NECAB1: variants seen among roughly 807,000 people sequenced by gnomAD.
NECAB1 encodes the protein N-terminal EF-hand calcium-binding protein 1.
A neutral mutation model predicts 57.5 loss-of-function variants in NECAB1; 29 were observed. The ratio of observed to expected loss-of-function variants is 0.50; its 90% CI spans 0.38 to 0.69. NECAB1 has a LOEUF of 0.69. NECAB1 is among the 30% of genes least tolerant of loss of function. NECAB1 has a pLI of 0.00. For missense variants in NECAB1, 372 were observed against 413.8 expected (o/e 0.90, Z 0.88); for synonymous variants, 142 against 147.7 (o/e 0.96, Z 0.28).
chr8:90,828,518 G>T (rs1166616469), intron 3 of NECAB1, among the ~76,000 whole-genome samples: 1 of 151,966 alleles, frequency 6.6e-6, no homozygotes, highest in East Asian at 1.9e-4. Context: ...TGCTGTATTA[G>T]AATCCTTGTA....
intron 1 of NECAB1, among the ~76,000 whole-genome samples, chr8:90,796,935 G>C (rs192794901): frequency 2.2e-3 from 331 of 152,332 alleles, no homozygotes; most frequent in African/African-American, 7.5e-3. Context: ...GAAATGAACA[G>C]AAGTCCTGGG....
intron 5 of NECAB1, among the ~76,000 whole-genome samples, chr8:90,881,592 TC>T (rs1388716989): frequency 6.6e-6 from 1 of 152,148 alleles, no homozygotes; most frequent in Non-Finnish European, 1.5e-5. Context: ...CCCCTCTCCT[TC>T]CTCCTCTGGC....
At chr8:90,820,119 C>T (rs1812121623) in intron 2 of NECAB1, among the ~76,000 whole-genome samples, 1 of 151,882 alleles carries the variant, frequency 6.6e-6, no homozygotes, top group African/African-American at 2.4e-5. Flanking sequence ...AGCTTCTGTT[C>T]CAAATAAGCA....
intron 1 of NECAB1, among the ~76,000 whole-genome samples, chr8:90,795,701 ATC>A (rs144166896): frequency 4.3e-4 from 61 of 140,294 alleles, no homozygotes; most frequent in Middle Eastern, 3.6e-3. Context: ...ATCTCACCTC[ATC>A]TCTCTCACAC....
At position 90,917,648 on chromosome 8, in the gene NECAB1, C is replaced by G. The variant is rs1023845353; in HGVS notation, c.494+20C>G. ...AGAAAGGCAATTTACATGTTTTCAT[C>G]TGATGTCTATTTAGTGACTCTATGT... On this transcript the variant is annotated intron_variant, in intron 6 of 12. Coordinates refer to ENST00000417640, the MANE Select transcript of NECAB1 (RefSeq NM_022351.5). The G allele has an allele frequency of 6.3e-7, 1 of 1,598,150 alleles. No homozygotes were observed. The highest frequency in any genetic ancestry group is 2.2e-5 in the East Asian group (1 of 44,662).
rs552341516 is a variant in NECAB1, at chr8:90,805,511, G to T, written c.124+3796G>T. ...CATCTTGGAGAGATTTTTTTGGTTG[G>T]TTTTTTTTTTTAATCATAGGCTAGG... On this transcript the variant is annotated intron_variant, in intron 2 of 12. Coordinates refer to ENST00000417640, the MANE Select transcript of NECAB1 (RefSeq NM_022351.5). 1.2e-3 allele frequency among the ~76,000 whole-genome samples: 173 copies of T among 145,748 alleles called. 1 individual carries two copies. Among genetic ancestry groups the T allele is most frequent in the African/African-American group, 4.1e-3 (164 of 39,976 alleles).
chr8:90,912,076 T>C (rs1319865817), intron 5 of NECAB1, among the ~76,000 whole-genome samples: 1 of 152,158 alleles, frequency 6.6e-6, no homozygotes, highest in East Asian at 1.9e-4. Flanking sequence ...ACCACTACAT[T>C]ATGTTATTAG....
At position 90,926,504 on chromosome 8, in the gene NECAB1, C is replaced by G. The variant is rs763314548; in HGVS notation, c.616+848C>G. ...GTCCAAGGTCATATGGAATATTAGT[C>G]CATTTTTATTGTGAAGCGACCTTAA... is the stretch of plus-strand genomic sequence containing the variant. On this transcript the variant is annotated intron_variant, in intron 7 of 12. Transcript: ENST00000417640. 3.9e-5 allele frequency among the ~76,000 whole-genome samples: 6 copies of G among 152,144 alleles called. 1 individual carries two copies. Among genetic ancestry groups the G allele is most frequent in the South Asian group, 4.1e-4 (2 of 4,820 alleles).
chr8:90,805,027 T>C (rs1160067650), intron 2 of NECAB1, among the ~76,000 whole-genome samples: 1 of 152,256 alleles, frequency 6.6e-6, no homozygotes, highest in Non-Finnish European at 1.5e-5. Flanking sequence ...TTTTCTTCTG[T>C]GATGACTTGG....
At chr8:90,818,019 A>G (rs1812086464) in intron 2 of NECAB1, among the ~76,000 whole-genome samples, 1 of 151,828 alleles carries the variant, frequency 6.6e-6, no homozygotes, top group African/African-American at 2.4e-5. Flanking sequence ...TCTCCTTGGC[A>G]GTTTTGTGTC....
chr8:90,813,514 T>A lies in NECAB1; in HGVS notation c.125-11203T>A, dbSNP rs570509607. 3.0e-4 allele frequency among the ~76,000 whole-genome samples: 45 copies of A among 152,210 alleles called. 1 individual carries two copies. In the South Asian group the frequency reaches 8.1e-3, roughly 27 times the overall value. On this transcript the variant is annotated intron_variant, in intron 2 of 12. Coordinates refer to ENST00000417640, the MANE Select transcript of NECAB1 (RefSeq NM_022351.5). Reference sequence around the variant, plus strand: ...TAAAATATTTTAATGCTACATAATTTTCATGTTTTATTATTATCATTATTA... The same window carrying A: ...TAAAATATTTTAATGCTACATAATTATCATGTTTTATTATTATCATTATTA...
At chr8:90,895,692 A>T (rs1809310577) in intron 5 of NECAB1, among the ~76,000 whole-genome samples, 2 of 152,246 alleles carry the variant, frequency 1.3e-5, no homozygotes, top group South Asian at 4.1e-4. Context: ...AATTCTGTGA[A>T]GCCCCCTTCC....
At chr8:90,932,227 A>G (rs75818763) in intron 8 of NECAB1, among the ~76,000 whole-genome samples, 289 of 152,300 alleles carry the variant, frequency 1.9e-3, no homozygotes, top group African/African-American at 6.7e-3. Flanking sequence ...TTAGTTTTCA[A>G]TTCACATCTG....
chr8:90,855,151 G>T (rs944183678), intron 3 of NECAB1, among the ~76,000 whole-genome samples: 2 of 152,156 alleles, frequency 1.3e-5, no homozygotes, highest in Admixed American at 1.3e-4. Context: ...TCTAACCAGA[G>T]ATCAGTTAGA....
chr8:90,792,416 T>C (rs1412629293), intron 1 of NECAB1, among the ~76,000 whole-genome samples: 1 of 152,238 alleles, frequency 6.6e-6, no homozygotes, highest in African/African-American at 2.4e-5. Flanking sequence ...CAGCAGCGAT[T>C]GAGATGCCCT....
rs1387967302 is a variant in NECAB1, at chr8:90,903,267, T to A, written c.358-14225T>A. On this transcript the variant is annotated intron_variant, in intron 5 of 12. Coordinates refer to ENST00000417640, the MANE Select transcript of NECAB1 (RefSeq NM_022351.5). The stretch of plus-strand genomic sequence containing the variant: ...CCACTGCAATCCCATTTTAGAACAA[T>A]TTTTTAAAAATATTTTATGTTGCCA... Among the ~76,000 whole-genome samples, 5 of 152,104 alleles carry A rather than the reference T, an allele frequency of 3.3e-5. No homozygotes were observed. In the East Asian group the frequency reaches 9.6e-4, roughly 29 times the overall value.
intron 1 of NECAB1, among the ~76,000 whole-genome samples, chr8:90,797,953 A>C (rs932634122): frequency 2.0e-5 from 3 of 152,168 alleles, no homozygotes; most frequent in African/African-American, 7.2e-5. Context: ...CTGCTCTAAC[A>C]AACTATCACA....
chr8:90,866,702 A>C (rs925013079), intron 3 of NECAB1, among the ~76,000 whole-genome samples: 1 of 152,224 alleles, frequency 6.6e-6, no homozygotes, highest in Non-Finnish European at 1.5e-5. Context: ...TCATTAGAGA[A>C]ATACAAATCA....
intron 10 of NECAB1, 26 bp from the exon 11 acceptor site, chr8:90,949,781 A>G (rs1810888832): frequency 7.1e-7 from 1 of 1,406,904 alleles, no homozygotes; most frequent in Non-Finnish European, 1.0e-6. Flanking sequence ...CCAGTAGCTA[A>G]TTATGCCTTT....
Sources: gnomAD v4.1 joint callset for allele counts (sites outside exome capture counted in the v4.1 genomes callset) on GRCh38, gnomAD v4.1.1 for gene constraint, MANE v1.5 for transcripts, NCBI Gene and HGNC (gene_info 2026-07-23, HGNC 2026-07-21) for gene names.